Variants in TCF4 observed in about 807,000 individuals in gnomAD.
The protein encoded by TCF4 is SL3-3 enhancer factor 2.
TCF4 carries 3 observed loss-of-function variants against 82.1 expected under a neutral mutation model. The ratio of observed to expected loss-of-function variants is 0.04; its 90% confidence interval spans 0.02 to 0.09. TCF4 has a LOEUF of 0.09. TCF4 is among the 10% of genes least tolerant of loss of function. The pLI, the probability that TCF4 is intolerant of heterozygous loss-of-function variation, is 1.00. For missense variants in TCF4, 518 were observed against 852.7 expected, an observed-to-expected ratio of 0.61 and a Z score of 4.89; for synonymous variants, 276 against 309.6, an observed-to-expected ratio of 0.89 and a Z score of 1.14.
chr18:55,584,037 C>A (rs1354305386), intron 3 of TCF4, among the ~76,000 whole-genome samples: 3 of 152,034 alleles, frequency 2.0e-5, no homozygotes, highest in Non-Finnish European at 4.4e-5. Context: ...AATAAAAATA[C>A]AAGAAGCATC....
At chr18:55,350,108 A>C (rs1007513923) in intron 8 of TCF4, among the ~76,000 whole-genome samples, 6 of 152,132 alleles carry the variant, frequency 3.9e-5, no homozygotes, top group African/African-American at 1.2e-4. Flanking sequence ...AACTTCAGGC[A>C]CCTTTTCAAG....
intron 5 of TCF4, among the ~76,000 whole-genome samples, chr18:55,457,995 A>C (rs968456728): frequency 2.0e-5 from 3 of 152,214 alleles, no homozygotes; most frequent in Non-Finnish European, 2.9e-5. Flanking sequence ...TCAAAAGGAA[A>C]GAGTAGTCCA....
At chr18:55,628,653 T>C (rs911438981) in intron 2 of TCF4, among the ~76,000 whole-genome samples, 2 of 152,208 alleles carry the variant, frequency 1.3e-5, no homozygotes, top group Non-Finnish European at 2.9e-5. Flanking sequence ...AAAATAAGTA[T>C]GATCATGCCC....
rs565983876 is a variant in TCF4 at position 55,449,821 on chromosome 18, C to T, written c.304+11198G>A. Among the ~76,000 whole-genome samples, 42 of 152,294 alleles carry T rather than the reference C, an allele frequency of 2.8e-4. No individual in the cohort carries two copies. In the South Asian group the frequency reaches 4.8e-3, roughly 17 times the overall value. On this transcript the variant is annotated intron_variant, in intron 5 of 19. Transcript: ENST00000354452. ...CCACCAAATGTTATCAGATATTACA[C>T]ACTTTCTATTTTCATTCAGCTTTAA...
intron 3 of TCF4, among the ~76,000 whole-genome samples, chr18:55,573,933 A>T (rs1450723421): frequency 6.6e-6 from 1 of 152,218 alleles, no homozygotes; most frequent in Admixed American, 6.5e-5. Context: ...AGAATATTTT[A>T]CTGTGTATCA....
upstream of TCF4, chr18:55,589,971 C>T (rs188822204): frequency 8.8e-4 from 295 of 336,688 alleles, no homozygotes; most frequent in African/African-American, 6.3e-3. Flanking sequence ...GGTGGCTGTT[C>T]TCGGGTAGGC....
intron 3 of TCF4, among the ~76,000 whole-genome samples, chr18:55,501,545 G>A (rs77902814): frequency 0.016 from 2,461 of 152,124 alleles, 71 homozygotes; most frequent in African/African-American, 0.057. Flanking sequence ...TATAAATCAC[G>A]TTTGTTCTTT....
chr18:55,605,562 T>A (rs573298791), intron 2 of TCF4, among the ~76,000 whole-genome samples: 40 of 152,278 alleles, frequency 2.6e-4, no homozygotes, highest in African/African-American at 8.9e-4. Flanking sequence ...AGGCAGACAT[T>A]GAACATCTAT....
intron 3 of TCF4, chr18:55,550,362 G>A (rs1348827488): frequency 6.6e-6 from 1 of 152,046 alleles, no homozygotes; most frequent in Non-Finnish European, 1.5e-5. Flanking sequence ...AGTATAACAT[G>A]GGCCCGTTTA....
At chr18:55,267,916 T>G (rs1273505477) in intron 11 of TCF4, 1 of 152,156 alleles carries the variant, frequency 6.6e-6, no homozygotes. Context: ...TCTCAGCATA[T>G]AGAAGTCACC....
At chr18:55,438,585 C>T (rs980092851) in intron 5 of TCF4, among the ~76,000 whole-genome samples, 2 of 152,210 alleles carry the variant, frequency 1.3e-5, no homozygotes, top group Non-Finnish European at 2.9e-5. Flanking sequence ...ATATGAGAAT[C>T]AAGGGACCAC....
intron 3 of TCF4, among the ~76,000 whole-genome samples, chr18:55,530,998 C>T (rs759966662): frequency 4.0e-5 from 6 of 151,646 alleles, no homozygotes; most frequent in Admixed American, 6.6e-5. Context: ...GTCATCCAGG[C>T]GGGAGTGCAG....
At chr18:55,510,677 T>C (rs2096818016) in intron 3 of TCF4, 1 of 1,478,848 alleles carries the variant, frequency 6.8e-7, no homozygotes, top group East Asian at 2.5e-5. Flanking sequence ...TTTTAAAGTT[T>C]GTGAACTGAG....
At chr18:55,349,411 C>G (rs1405080468) in intron 8 of TCF4, among the ~76,000 whole-genome samples, 1 of 151,932 alleles carries the variant, frequency 6.6e-6, no homozygotes, top group Non-Finnish European at 1.5e-5. Flanking sequence ...AATATGCAAG[C>G]ATTGATTGGT....
intron 2 of TCF4, among the ~76,000 whole-genome samples, chr18:55,621,848 GTATGTATTA>G (rs1372450106): frequency 1.0e-3 from 22 of 21,236 alleles, no homozygotes; most frequent in East Asian, 2.4e-3. Flanking sequence ...TATATACAAT[GTATGTATTA>G]TATTATATAT....
chr18:55,484,338 A>T (rs2096485716), intron 3 of TCF4, among the ~76,000 whole-genome samples: 1 of 152,172 alleles, frequency 6.6e-6, no homozygotes, highest in Non-Finnish European at 1.5e-5. Context: ...ATTTTCATAG[A>T]CTTTTTTCCT....
intron 8 of TCF4, among the ~76,000 whole-genome samples, chr18:55,335,990 A>G (rs1292762498): frequency 6.6e-6 from 1 of 151,972 alleles, no homozygotes; most frequent in Non-Finnish European, 1.5e-5. Context: ...TCAAAATAGT[A>G]AAAAGGAAAA....
In TCF4 at chr18:55,269,972, A is replaced by G. The variant is rs373434281; in HGVS notation, c.790-9T>C. The G allele has an allele frequency of 5.2e-4, 835 of 1,612,978 alleles. No homozygotes were observed. The highest frequency in any genetic ancestry group is 6.5e-4 in the Non-Finnish European group (761 of 1,179,300). ...GAGTGTGATGGATAGCTCTATAGCAAGAAGCAGAAAAAGGTGGCCATATTT... is the reference window on the plus strand; with the variant it reads ...GAGTGTGATGGATAGCTCTATAGCAGGAAGCAGAAAAAGGTGGCCATATTT... On this transcript the variant is annotated splice_polypyrimidine_tract_variant and intron_variant, in intron 10 of 19. Transcript: ENST00000354452.
intron 8 of TCF4, among the ~76,000 whole-genome samples, chr18:55,281,714 T>C (rs1274473367): frequency 7.3e-6 from 1 of 137,116 alleles, no homozygotes; most frequent in Non-Finnish European, 1.5e-5. Context: ...TCCTTTTTCT[T>C]TTTTTTTTTC....
Sources: gnomAD v4.1 joint callset for allele counts (sites outside exome capture counted in the v4.1 genomes callset) on GRCh38, gnomAD v4.1.1 for gene constraint, MANE v1.5 for transcripts, NCBI Gene and HGNC (gene_info 2026-07-23, HGNC 2026-07-21) for gene names.